Variants in PTPRT observed in about 807,000 individuals in gnomAD.
PTPRT encodes the protein receptor-type tyrosine-protein phosphatase T.
A neutral mutation model predicts 176.8 loss-of-function variants in PTPRT; 56 were observed. That is an observed-to-expected ratio of 0.32 (90% CI 0.26 to 0.40). The LOEUF (loss-of-function observed/expected upper bound fraction) is 0.40. Ranked by LOEUF, PTPRT falls within the 10% of genes least tolerant of loss-of-function variation. The probability of loss-of-function intolerance (pLI) is 1.00; values close to 1 mark genes in which losing one functional copy is unlikely to be tolerated. For synonymous variants in PTPRT, 783 were observed against 739.0 expected (o/e 1.06, Z -0.96); for missense variants, 1,540 against 1,908.2 (o/e 0.81, Z 3.60).
chr20:42,920,914 C>T (rs1438946239), intron 1 of PTPRT, among the ~76,000 whole-genome samples: 2 of 152,172 alleles, frequency 1.3e-5, no homozygotes, highest in Non-Finnish European at 2.9e-5. Context: ...TATTTACAGA[C>T]ATTTTCTTCA....
At chr20:42,831,978 A>G (rs2078097258) in intron 2 of PTPRT, among the ~76,000 whole-genome samples, 1 of 152,250 alleles carries the variant, frequency 6.6e-6, no homozygotes, top group Admixed American at 6.5e-5. Flanking sequence ...GTGATTCCTC[A>G]AAGAGCTAAA....
In PTPRT at chr20:42,252,464, T is replaced by C. The variant is rs12625551; in HGVS notation, c.2177-3642A>G. On this transcript the variant is annotated intron_variant, in intron 13 of 30. Coordinates refer to ENST00000373187, the MANE Select transcript of PTPRT (RefSeq NM_007050.6). ...ATAGAGACTTGAGGGTCTGCAGTAT[T>C]TAGTGAGTAGAGGGAGATAAGCCTG... Among the ~76,000 whole-genome samples, 1,249 of 152,138 alleles carry C rather than the reference T, an allele frequency of 8.2e-3. 26 individuals are homozygous for C. The highest frequency in any genetic ancestry group is 0.062 in the East Asian group (319 of 5,158).
chr20:42,859,494 T>C (rs1243147675), intron 2 of PTPRT, among the ~76,000 whole-genome samples: 1 of 152,182 alleles, frequency 6.6e-6, no homozygotes, highest in African/African-American at 2.4e-5. Flanking sequence ...CTTTTACTGA[T>C]TTTTAAAACC....
chr20:42,450,408 T>C (rs1196809966), intron 8 of PTPRT, among the ~76,000 whole-genome samples: 1 of 152,212 alleles, frequency 6.6e-6, no homozygotes, highest in Non-Finnish European at 1.5e-5. Context: ...ATTAAGTGCA[T>C]GTGTATGTGT....
chr20:43,130,314 T>C (rs1258544643), intron 1 of PTPRT, among the ~76,000 whole-genome samples: 1 of 152,092 alleles, frequency 6.6e-6, no homozygotes, highest in Non-Finnish European at 1.5e-5. Context: ...CTGGAACATA[T>C]TGTCTTTTCC....
chr20:42,613,746 C>A (rs1600472659), intron 7 of PTPRT, among the ~76,000 whole-genome samples: 6 of 152,152 alleles, frequency 3.9e-5, no homozygotes, highest in Non-Finnish European at 1.5e-5. Context: ...AATTTCAACA[C>A]TAAATCCCTT....
the PTPRT span, among the ~76,000 whole-genome samples, chr20:42,034,098 T>C: frequency 6.6e-6 from 1 of 152,282 alleles, no homozygotes; most frequent in East Asian, 1.9e-4. Flanking sequence ...TTTCTGTGGG[T>C]CTGGAATCTG....
chr20:42,808,171 C>A (rs1478235320), intron 2 of PTPRT, among the ~76,000 whole-genome samples: 1 of 152,186 alleles, frequency 6.6e-6, no homozygotes, highest in African/African-American at 2.4e-5. Flanking sequence ...CTGAGGTCTG[C>A]GTCAACTCAC....
intron 13 of PTPRT, among the ~76,000 whole-genome samples, chr20:42,279,600 A>G (rs1156696592): frequency 6.6e-6 from 1 of 152,238 alleles, no homozygotes; most frequent in Non-Finnish European, 1.5e-5. Flanking sequence ...ATAGAGGTCC[A>G]TTACTTTGCA....
intron 2 of PTPRT, among the ~76,000 whole-genome samples, chr20:42,838,159 T>C (rs1433997311): frequency 6.6e-6 from 1 of 152,142 alleles, no homozygotes; most frequent in Non-Finnish European, 1.5e-5. Flanking sequence ...CCCGAGTAGC[T>C]GGGATTACAA....
At chr20:42,336,672 C>T (rs2058044432) in intron 11 of PTPRT, among the ~76,000 whole-genome samples, 1 of 151,872 alleles carries the variant, frequency 6.6e-6, no homozygotes, top group African/African-American at 2.4e-5. Context: ...AAAAGAAAAA[C>T]ATGAATAAAT....
chr20:43,026,003 T>G (rs1985893635), intron 1 of PTPRT, among the ~76,000 whole-genome samples: 1 of 152,188 alleles, frequency 6.6e-6, no homozygotes, highest in East Asian at 1.9e-4. Context: ...TTAGTGCAGT[T>G]ATGTCCTGCC....
At chr20:42,147,556 T>C (rs1041249814) in intron 17 of PTPRT, among the ~76,000 whole-genome samples, 9 of 152,226 alleles carry the variant, frequency 5.9e-5, no homozygotes, top group African/African-American at 2.2e-4. Flanking sequence ...AGAGATTTCA[T>C]GAAAGTCTCT....
At chr20:42,538,215 G>C (rs968598341) in intron 7 of PTPRT, among the ~76,000 whole-genome samples, 3 of 152,094 alleles carry the variant, frequency 2.0e-5, no homozygotes, top group East Asian at 3.9e-4. Flanking sequence ...ACTCAGGGCT[G>C]TCTACCTTGC....
intron 1 of PTPRT, among the ~76,000 whole-genome samples, chr20:43,113,397 T>C (rs2012941199): frequency 6.6e-6 from 1 of 152,236 alleles, no homozygotes; most frequent in Admixed American, 6.5e-5. Flanking sequence ...AGAAACATCT[T>C]TTCACTTTTC....
At chr20:42,909,061 G>C (rs2079513740) in intron 1 of PTPRT, among the ~76,000 whole-genome samples, 2 of 152,112 alleles carry the variant, frequency 1.3e-5, no homozygotes, top group African/African-American at 4.8e-5. Flanking sequence ...AAGCTGAGGT[G>C]GAAGGATCAC....
intron 7 of PTPRT, among the ~76,000 whole-genome samples, chr20:42,610,072 G>T (rs577367855): frequency 5.9e-5 from 9 of 152,268 alleles, no homozygotes; most frequent in Non-Finnish European, 1.3e-4. Flanking sequence ...TAGACAATGG[G>T]AAGAACTTTC....
chr20:43,094,994 T>C (rs2012067669), intron 1 of PTPRT, among the ~76,000 whole-genome samples: 1 of 152,082 alleles, frequency 6.6e-6, no homozygotes, highest in Non-Finnish European at 1.5e-5. Flanking sequence ...GGGAAAGGCA[T>C]GAGCAGCGAG....
At chr20:42,338,315 C>T (rs1336772553) in intron 11 of PTPRT, among the ~76,000 whole-genome samples, 1 of 152,128 alleles carries the variant, frequency 6.6e-6, no homozygotes, top group Non-Finnish European at 1.5e-5. Context: ...TTACATGTCC[C>T]TGATAGAGAG....
Sources: allele counts gnomAD v4.1 joint callset (sites outside exome capture counted in the v4.1 genomes callset), GRCh38; gene constraint gnomAD v4.1.1; transcripts MANE v1.5; gene names NCBI Gene and HGNC (gene_info 2026-07-23, HGNC 2026-07-21).